Variants in ADCY2 observed in about 807,000 individuals in gnomAD.
The protein encoded by ADCY2 is adenylate cyclase type 2.
ADCY2 carries 31 observed loss-of-function variants against 125.2 expected under a neutral mutation model. The observed-to-expected ratio is 0.25, with a 90% CI of 0.19 to 0.33. The LOEUF is 0.33. Ranked by LOEUF, ADCY2 falls within the 10% of genes least tolerant of loss-of-function variation. The pLI is 1.00. For missense variants in ADCY2, 904 were observed against 1,418.2 expected (o/e 0.64, Z 5.82); for synonymous variants, 512 against 548.4 (o/e 0.93, Z 0.93).
chr5:7,595,325 A>G (rs1043709916), intron 3 of ADCY2, among the ~76,000 whole-genome samples: 9 of 152,188 alleles, frequency 5.9e-5, no homozygotes, highest in Non-Finnish European at 8.8e-5. Context: ...TTTAATACTT[A>G]TATACTGTAT....
At chr5:7,818,885 T>C (rs1745206134) in intron 23 of ADCY2, among the ~76,000 whole-genome samples, 1 of 152,102 alleles carries the variant, frequency 6.6e-6, no homozygotes, top group Admixed American at 6.5e-5. Flanking sequence ...TAGGGTTATC[T>C]GGAGGGACAG....
At chr5:7,652,721 C>T (rs2914295) in intron 4 of ADCY2, among the ~76,000 whole-genome samples, 94,955 of 152,050 alleles carry the variant, frequency 0.62, 30,081 homozygotes, top group Non-Finnish European at 0.65. Flanking sequence ...GACACTGATT[C>T]TACTTGATTA....
intron 3 of ADCY2, among the ~76,000 whole-genome samples, chr5:7,529,045 T>C (rs913031531): frequency 5.9e-5 from 9 of 152,198 alleles, no homozygotes; most frequent in African/African-American, 2.2e-4. Context: ...GTAGCTTGAC[T>C]TCAACAAGAG....
intron 3 of ADCY2, among the ~76,000 whole-genome samples, chr5:7,582,204 G>A (rs532461062): frequency 1.3e-5 from 2 of 152,190 alleles, no homozygotes; most frequent in African/African-American, 4.8e-5. Flanking sequence ...TCATTAGGAG[G>A]ACATAACAGT....
intron 3 of ADCY2, among the ~76,000 whole-genome samples, chr5:7,529,584 G>A (rs1375042366): frequency 6.6e-6 from 1 of 152,184 alleles, no homozygotes; most frequent in Non-Finnish European, 1.5e-5. Flanking sequence ...GGAAGAGCAA[G>A]CATTTTGGCC....
intron 22 of ADCY2, among the ~76,000 whole-genome samples, chr5:7,808,571 A>G (rs776971257): frequency 1.7e-4 from 26 of 152,210 alleles, no homozygotes; most frequent in Non-Finnish European, 7.3e-5. Context: ...GGAGCAGTCA[A>G]GTAACTTTCT....
intron 7 of ADCY2, among the ~76,000 whole-genome samples, chr5:7,699,259 G>A (rs949485410): frequency 2.3e-4 from 34 of 149,878 alleles, no homozygotes; most frequent in Non-Finnish European, 4.2e-4. Context: ...CACTACGCCC[G>A]GCTAATTTTT....
intron 3 of ADCY2, among the ~76,000 whole-genome samples, chr5:7,586,864 A>G (rs1736643929): frequency 6.6e-6 from 1 of 152,250 alleles, no homozygotes; most frequent in Non-Finnish European, 1.5e-5. Flanking sequence ...GTTTACATCC[A>G]TCGCCACATC....
intron 18 of ADCY2, among the ~76,000 whole-genome samples, chr5:7,779,043 T>C (rs1251552826): frequency 5.3e-5 from 8 of 152,252 alleles, no homozygotes; most frequent in African/African-American, 1.9e-4. Flanking sequence ...TCTGCCTGTT[T>C]CCTGCACCCT....
intron 17 of ADCY2, among the ~76,000 whole-genome samples, chr5:7,772,628 C>T (rs1020804179): frequency 2.0e-5 from 3 of 152,078 alleles, no homozygotes; most frequent in African/African-American, 7.2e-5. Context: ...ATAACATTGG[C>T]TTATAGTGAT....
intron 7 of ADCY2, among the ~76,000 whole-genome samples, chr5:7,703,934 G>A (rs1741174687): frequency 6.6e-6 from 1 of 151,486 alleles, no homozygotes; most frequent in Non-Finnish European, 1.5e-5. Flanking sequence ...CCCAGGAGAT[G>A]GAAGTTGCAG....
intron 20 of ADCY2, chr5:7,799,307 C>T (rs1744521524): frequency 1.3e-5 from 2 of 152,350 alleles, no homozygotes; most frequent in Admixed American, 1.3e-4. Context: ...TCTCTGGCCC[C>T]ACACCCAATG....
intron 24 of ADCY2, 161 bp from the exon 25 acceptor site, chr5:7,826,558 T>C (rs771623898): frequency 1.1e-6 from 1 of 920,422 alleles, no homozygotes; most frequent in Non-Finnish European, 1.7e-6. Context: ...CTTTACAACC[T>C]TTTTTTCTTG....
intron 2 of ADCY2, among the ~76,000 whole-genome samples, chr5:7,453,821 T>G (rs751186159): frequency 1.3e-5 from 2 of 152,030 alleles, no homozygotes; most frequent in African/African-American, 2.4e-5. Context: ...TTACCGGAGT[T>G]GTACTCATGC....
At chr5:7,580,425 C>A (rs999467642) in intron 3 of ADCY2, among the ~76,000 whole-genome samples, 3 of 152,022 alleles carry the variant, frequency 2.0e-5, no homozygotes, top group Non-Finnish European at 4.4e-5. Flanking sequence ...AATTCTGGAA[C>A]TGGAAATCTA....
At chr5:7,487,703 A>G (rs889424704) in intron 2 of ADCY2, among the ~76,000 whole-genome samples, 3 of 152,234 alleles carry the variant, frequency 2.0e-5, no homozygotes, top group Non-Finnish European at 4.4e-5. Flanking sequence ...CCAATGAGAC[A>G]TTTAAAATAT....
intron 15 of ADCY2, chr5:7,749,636 A>G (rs1398167078): frequency 4.6e-5 from 7 of 152,180 alleles, no homozygotes; most frequent in African/African-American, 9.7e-5. Flanking sequence ...CAAAAATTCC[A>G]CCAAACAAAC....
chr5:7,821,302 G>A (rs1009756869), intron 24 of ADCY2, among the ~76,000 whole-genome samples: 5 of 152,160 alleles, frequency 3.3e-5, no homozygotes, highest in Non-Finnish European at 4.4e-5. Context: ...TATTACAATA[G>A]CACTAATAAT....
chr5:7,693,413 G>GTTTTGTTT (rs1740779550), intron 5 of ADCY2, among the ~76,000 whole-genome samples: 3 of 32,412 alleles, frequency 9.3e-5, no homozygotes, highest in East Asian at 2.3e-3. Flanking sequence ...GCTGTTTTTT[G>GTTTTGTTT]TTTTTTTTTT....
Sources: allele counts gnomAD v4.1 joint callset (sites outside exome capture counted in the v4.1 genomes callset), GRCh38; gene constraint gnomAD v4.1.1; transcripts MANE v1.5; gene names NCBI Gene and HGNC (gene_info 2026-07-23, HGNC 2026-07-21).